The following XKR9 variants were observed in gnomAD, a reference collection of about 807,000 sequenced individuals.
The protein encoded by XKR9 is XK-related protein 9.
XKR9 carries 32 observed loss-of-function variants against 32.0 expected under a neutral mutation model. The observed-to-expected ratio is 1.00, with a 90% CI of 0.76 to 1.34. The LOEUF (loss-of-function observed/expected upper bound fraction) is 1.34. XKR9 is among the 40% of genes most tolerant of loss of function. The pLI, the probability that XKR9 is intolerant of heterozygous loss-of-function variation, is 0.00. For missense variants in XKR9, 546 were observed against 429.7 expected (o/e 1.27, Z -2.39); for synonymous variants, 168 against 143.4 (o/e 1.17, Z -1.22).
intron 2 of XKR9, among the ~76,000 whole-genome samples, chr8:70,788,893 A>G (rs1807726650): frequency 6.6e-6 from 1 of 152,118 alleles, no homozygotes; most frequent in South Asian, 2.1e-4. Flanking sequence ...TGTGGGTCAT[A>G]TGTGAAACAA....
the XKR9 span, among the ~76,000 whole-genome samples, chr8:70,954,842 G>A: frequency 1.3e-5 from 2 of 152,220 alleles, no homozygotes; most frequent in African/African-American, 4.8e-5. Context: ...GTTTGCTAGG[G>A]CTGAGCTGTA....
At chr8:71,023,555 G>A in the XKR9 span, among the ~76,000 whole-genome samples, 1 of 152,202 alleles carries the variant, frequency 6.6e-6, no homozygotes, top group Non-Finnish European at 1.5e-5. Context: ...AGGCACTGGT[G>A]TTAGTGGGCC....
the XKR9 span, among the ~76,000 whole-genome samples, chr8:70,866,508 A>T: frequency 6.6e-6 from 1 of 152,184 alleles, no homozygotes; most frequent in Non-Finnish European, 1.5e-5. Flanking sequence ...ATCTAGAGGC[A>T]TTTCTGCTGA....
chr8:70,834,954 A>C, the XKR9 span, among the ~76,000 whole-genome samples: 14 of 152,146 alleles, frequency 9.2e-5, no homozygotes, highest in Admixed American at 8.5e-4. Context: ...GGATTAGCTG[A>C]TCAGATGAAT....
intron 2 of XKR9, among the ~76,000 whole-genome samples, chr8:70,744,582 C>G (rs991940232): frequency 1.3e-5 from 2 of 152,180 alleles, no homozygotes; most frequent in Admixed American, 1.3e-4. Flanking sequence ...AGGTTACCTA[C>G]AGCTATGCTA....
the XKR9 span, among the ~76,000 whole-genome samples, chr8:70,883,180 C>G: frequency 4.0e-5 from 6 of 151,328 alleles, no homozygotes; most frequent in African/African-American, 1.2e-4. Flanking sequence ...CTCTATATGT[C>G]CTTGAGTCCT....
intron 2 of XKR9, among the ~76,000 whole-genome samples, chr8:70,754,369 C>G (rs1807187200): frequency 7.6e-6 from 1 of 131,846 alleles, no homozygotes; most frequent in African/African-American, 2.5e-5. Context: ...AATGCCATCC[C>G]CATCAAGCTA....
At chr8:71,057,841 A>G in the XKR9 span, among the ~76,000 whole-genome samples, 1 of 152,172 alleles carries the variant, frequency 6.6e-6, no homozygotes, top group Admixed American at 6.5e-5. Context: ...TGATCTGGTC[A>G]TGCCCAAGAG....
chr8:70,780,457 C>T (rs187797689), intron 2 of XKR9, among the ~76,000 whole-genome samples: 1 of 152,006 alleles, frequency 6.6e-6, no homozygotes. Context: ...AAAATACTTT[C>T]TAAGTTCCTT....
chr8:70,745,087 C>G lies in XKR9; in HGVS notation n.352+37934C>G, dbSNP rs999017215. ...ATACATCTACTAAGGAGCTTGAATG[C>G]TAAGTGTCCCACACAAACATAGATT... On this transcript the variant is annotated intron_variant and non_coding_transcript_variant, in intron 2 of 3. Transcript: ENST00000520273. Among the ~76,000 whole-genome samples, 10 of 149,952 alleles carry G rather than the reference C, an allele frequency of 6.7e-5. 1 individual carries two copies. Among genetic ancestry groups the G allele is most frequent in the African/African-American group, 2.4e-4 (10 of 40,842 alleles).
exon 4 of XKR9, chr8:70,790,113 G>C (rs1807746567): frequency 6.7e-6 from 1 of 148,276 alleles, no homozygotes; most frequent in African/African-American, 2.5e-5. Flanking sequence ...TTAGCCCTGT[G>C]ATTAAAAAGA....
chr8:70,747,842 A>G lies in XKR9; in HGVS notation n.352+40689A>G, dbSNP rs115952336. Among the ~76,000 whole-genome samples the G allele has an allele frequency of 5.6e-3, 856 of 152,302 alleles. 13 individuals carry two copies. The highest frequency in any genetic ancestry group is 0.02 in the African/African-American group (823 of 41,566). ...TGACATTATTTTTTGGATGACATTTATGAGTCATTTAAGACCCAGTTTCTG... is the reference window on the plus strand; with the variant it reads ...TGACATTATTTTTTGGATGACATTTGTGAGTCATTTAAGACCCAGTTTCTG... On this transcript the variant is annotated intron_variant and non_coding_transcript_variant, in intron 2 of 3. Coordinates refer to the XKR9 transcript ENST00000520273.
At chr8:70,856,440 G>A in the XKR9 span, among the ~76,000 whole-genome samples, 1 of 152,130 alleles carries the variant, frequency 6.6e-6, no homozygotes, top group Non-Finnish European at 1.5e-5. Flanking sequence ...AAATATATAT[G>A]CACCCAATAC....
At chr8:70,776,923 T>TTCTTTCTCTCTCTCTCTCTCTC (rs1554556844) in intron 2 of XKR9, among the ~76,000 whole-genome samples, 1 of 59,620 alleles carries the variant, frequency 1.7e-5, no homozygotes, top group Admixed American at 2.0e-4. Context: ...TTCTCTTTCT[T>TTCTTTCTCTCTCTCTCTCTCTC]TCTCTCTCTC....
At chr8:70,934,299 A>G in the XKR9 span, among the ~76,000 whole-genome samples, 1 of 151,982 alleles carries the variant, frequency 6.6e-6, no homozygotes, top group Non-Finnish European at 1.5e-5. Flanking sequence ...ACATCTCTCT[A>G]TGACACTTAG....
At chr8:70,758,506 A>G (rs777836348) in intron 2 of XKR9, among the ~76,000 whole-genome samples, 2 of 152,098 alleles carry the variant, frequency 1.3e-5, no homozygotes, top group Admixed American at 6.6e-5. Flanking sequence ...TTTCTTGCAA[A>G]CTAGCTGTCT....
At chr8:70,852,696 C>T in the XKR9 span, among the ~76,000 whole-genome samples, 1 of 151,960 alleles carries the variant, frequency 6.6e-6, no homozygotes, top group Non-Finnish European at 1.5e-5. Flanking sequence ...ATGTTTTTTT[C>T]AGGGACGTGG....
chr8:70,996,776 G>A, the XKR9 span, among the ~76,000 whole-genome samples: 5 of 152,134 alleles, frequency 3.3e-5, no homozygotes, highest in Non-Finnish European at 7.4e-5. Context: ...CTACCCTGAA[G>A]CAGGCCATAA....
chr8:71,025,690 CA>C, the XKR9 span, among the ~76,000 whole-genome samples: 3 of 152,182 alleles, frequency 2.0e-5, no homozygotes, highest in Non-Finnish European at 4.4e-5. Flanking sequence ...TCCACATTCA[CA>C]TATCTTTCCT....
Sources: allele counts gnomAD v4.1 joint callset (sites outside exome capture counted in the v4.1 genomes callset), GRCh38; gene constraint gnomAD v4.1.1; transcripts MANE v1.5; gene names NCBI Gene and HGNC (gene_info 2026-07-23, HGNC 2026-07-21).